SMC4: variants seen among roughly 807,000 people sequenced by gnomAD.
SMC4 encodes the protein structural maintenance of chromosomes protein 4.
A neutral mutation model predicts 145.6 loss-of-function variants in SMC4; 87 were observed. That is an observed-to-expected ratio of 0.60 (90% CI 0.50 to 0.71). The LOEUF is 0.71. Among genes scored for constraint, SMC4 ranks in the 30% least tolerant of loss-of-function variants. The probability of loss-of-function intolerance (pLI) is 0.00; values close to 1 mark genes in which losing one functional copy is unlikely to be tolerated. For missense variants in SMC4, 1,447 were observed against 1,537.1 expected (o/e 0.94, Z 0.98); for synonymous variants, 558 against 500.7 (o/e 1.11, Z -1.53).
At chr3:160,431,574 T>A (rs1045438313) in intron 20 of SMC4, 69 bp from the exon 21 acceptor site, 9 of 1,191,940 alleles carry the variant, frequency 7.6e-6, no homozygotes, top group Admixed American at 2.6e-5. Flanking sequence ...TTTGTCATAT[T>A]TTTTTTTAAA....
chr3:160,425,022 A>ATGTGTG lies in SMC4; in HGVS notation c.2478+29_2478+34dup, dbSNP rs66870368. ...AAAAATTTACTGCAAGCATCCAGGTATGTGTGTGTGTGTGTGTGTGTGTGT... is the reference window on the plus strand; with the variant it reads ...AAAAATTTACTGCAAGCATCCAGGTATGTGTGTGTGTGTGTGTGTGTGTGTGTGTGT... On this transcript the variant is annotated splice_donor_region_variant and intron_variant, in intron 16 of 23. Coordinates refer to ENST00000357388, the MANE Select transcript of SMC4 (RefSeq NM_001002800.3). The ATGTGTG allele has an allele frequency of 0.011, 16,710 of 1,463,432 alleles. 208 individuals carry two copies. Among genetic ancestry groups the ATGTGTG allele is most frequent in the African/African-American group, 0.046 (3,122 of 68,342 alleles). The allele number at this position is 1,463,432 out of a possible 1,614,324, so 90.7% of individuals were successfully genotyped here. A position where few individuals can be genotyped will look rare whatever the true frequency, so the allele number is the denominator to read the frequency against.
chr3:160,431,155 G>C lies in SMC4; in HGVS notation c.3064G>C (p.Asp1022His), dbSNP rs751853292. The C allele has an allele frequency of 5.6e-6, 9 of 1,603,618 alleles. No individual in the cohort carries two copies. Among genetic ancestry groups the C allele is most frequent in the Non-Finnish European group, 7.6e-6 (9 of 1,177,074 alleles). Residue 1022 changes from aspartate (D) to histidine (H), a missense_variant, in exon 20 of 24, where the codon GAT becomes CAT. Coordinates refer to ENST00000357388, the MANE Select transcript of SMC4 (RefSeq NM_001002800.3). Reference sequence around the variant, plus strand: ...TATTAAGTTGAAACTTGAACAAATAGATGGTCACATTGCTGAACATAATTC... The same window carrying C: ...TATTAAGTTGAAACTTGAACAAATACATGGTCACATTGCTGAACATAATTC... ...LSIKLKLEQI[D>H]GHIAEHNSKI...
intron 17 of SMC4, among the ~76,000 whole-genome samples, chr3:160,427,941 G>A (rs1560012332): frequency 6.7e-6 from 1 of 149,816 alleles, no homozygotes; most frequent in Non-Finnish European, 1.5e-5. Context: ...ACACACGCAC[G>A]CACACACACA....
chr3:160,416,496 A>G (rs1576964369), intron 10 of SMC4, 81 bp downstream of exon 10: 2 of 880,782 alleles, frequency 2.3e-6, no homozygotes, highest in African/African-American at 3.4e-5. Context: ...AAAAATACTG[A>G]AACCTGAACT....
At position 160,423,862 on chromosome 3, in the gene SMC4, T is replaced by C. The variant is rs200721987; in HGVS notation, c.2325+22T>C. On this transcript the variant is annotated intron_variant, in intron 15 of 23. Transcript: ENST00000357388. ...AGAGGTCAGCATATCTAAAATTGTA[T>C]CCAGACTTTTTTTTTTTTTTAAATA... 473 of 1,567,396 alleles carry C rather than the reference T, an allele frequency of 3.0e-4. 1 individual carries two copies. The African/African-American group carries it at 6.1e-3, about 20-fold the overall frequency.
At chr3:160,433,510 C>CA in intron 23 of SMC4, 147 bp from the exon 24 acceptor site, 1 of 586,208 alleles carries the variant, frequency 1.7e-6, no homozygotes, top group South Asian at 2.6e-5. Flanking sequence ...CTTTCACACT[C>CA]AAATACTGTT....
Position 160,417,792 on chromosome 3 carries a change from C to G in SMC4, c.1507C>G (p.Gln503Glu), listed in dbSNP as rs761748630. The change falls in exon 11 of 24, where the codon CAG becomes GAG. Residue 503 changes from glutamine (Q) to glutamate (E), a missense_variant. Gln to Glu is a conservative substitution (Grantham distance 29). Coordinates refer to ENST00000357388, the MANE Select transcript of SMC4 (RefSeq NM_001002800.3). ...AGCACGTTCAAAGATGGATGTAGCC[C>G]AGTCAGAACTTGATATCTATCTCAG... ...NEARSKMDVA[Q>E]SELDIYLSRH... The G allele has an allele frequency of 6.2e-7, 1 of 1,613,562 alleles. No homozygotes were observed. Among genetic ancestry groups the G allele is most frequent in the Non-Finnish European group, 8.5e-7 (1 of 1,179,790 alleles).
intron 9 of SMC4, among the ~76,000 whole-genome samples, chr3:160,415,256 T>A (rs1189626572): frequency 6.6e-6 from 1 of 152,216 alleles, no homozygotes; most frequent in African/African-American, 2.4e-5. Flanking sequence ...CTAAAAGTCC[T>A]AGCTAGTCAG....
At chr3:160,420,706 C>T (rs766243942) in intron 12 of SMC4, 34 bp from the exon 13 acceptor site, 146 of 1,600,894 alleles carry the variant, frequency 9.1e-5, no homozygotes, top group Non-Finnish European at 1.2e-4. Flanking sequence ...GCTTTTCTGC[C>T]TAACTCTTTT....
intron 17 of SMC4, among the ~76,000 whole-genome samples, chr3:160,426,912 G>A (rs1717853840): frequency 6.6e-6 from 1 of 152,118 alleles, no homozygotes; most frequent in Non-Finnish European, 1.5e-5. Context: ...TTATTCTTAA[G>A]ACAGATCCCT....
intron 20 of SMC4, among the ~76,000 whole-genome samples, 186 bp downstream of exon 20, chr3:160,431,391 A>G (rs1718389372): frequency 6.6e-6 from 1 of 152,152 alleles, no homozygotes; most frequent in African/African-American, 2.4e-5. Context: ...ATATACAGAA[A>G]AGTCTGAGTA....
chr3:160,419,640 T>C, intron 12 of SMC4, 97 bp downstream of exon 12: 1 of 1,081,002 alleles, frequency 9.3e-7, no homozygotes, highest in Non-Finnish European at 1.3e-6. Context: ...AGTGTCACTG[T>C]ATATAAAATA....
intron 17 of SMC4, 31 bp downstream of exon 17, chr3:160,426,231 GAA>G (rs373580297): frequency 4.0e-6 from 5 of 1,238,248 alleles, no homozygotes; most frequent in East Asian, 5.6e-5. Context: ...TTTTTGGGGG[GAA>G]AAAAAAAACA....
intron 5 of SMC4, chr3:160,404,830 A>G (rs761268125): frequency 2.0e-6 from 1 of 512,202 alleles, no homozygotes; most frequent in Admixed American, 2.3e-5. Flanking sequence ...TGTGACAGGG[A>G]TACAGCAACT....
intron 5 of SMC4, chr3:160,404,936 A>G (rs1715154250): frequency 8.9e-6 from 3 of 336,514 alleles, no homozygotes; most frequent in South Asian, 7.6e-5. Flanking sequence ...TGTTCTTATT[A>G]TCTCTTCTGA....
chr3:160,418,483 T>C (rs1716818783), intron 11 of SMC4, among the ~76,000 whole-genome samples: 1 of 152,100 alleles, frequency 6.6e-6, no homozygotes, highest in Admixed American at 6.6e-5. Flanking sequence ...AAAACCTCAG[T>C]AGGCAAGGTG....
rs1714230880 is a variant in SMC4, at chr3:160,399,657, A to G, written c.-98A>G. The G allele has an allele frequency of 6.6e-6, 1 of 152,606 alleles. No individual in the cohort carries two copies. Among genetic ancestry groups the G allele is most frequent in the Admixed American group, 6.5e-5 (1 of 15,286 alleles). 9.5% of individuals were successfully genotyped at this position (152,606 alleles called of 1,614,324 possible). ...GTTTGTATTTTAGGCGCCATTTTCG[A>G]GTGAAGGACCCGGAGCCGAAACACC... On this transcript the variant is annotated 5_prime_UTR_variant, in exon 1 of 24. Coordinates refer to ENST00000357388, the MANE Select transcript of SMC4 (RefSeq NM_001002800.3).
At position 160,401,914 on chromosome 3, in the gene SMC4, G is replaced by C. The variant is rs369929353; in HGVS notation, c.140-1G>C. On this transcript the variant is annotated splice_acceptor_variant, in intron 2 of 23. Transcript: ENST00000357388. LOFTEE classifies it high-confidence loss of function. Reference sequence around the variant, plus strand: ...GTTTTCCTTTCCTTTCACTGACTTAGAGACTGCAAGTGAGGAACTTGATAA... The same window carrying C: ...GTTTTCCTTTCCTTTCACTGACTTACAGACTGCAAGTGAGGAACTTGATAA... 2.5e-6 allele frequency: 4 copies of C among 1,594,720 alleles called. No individual in the cohort carries two copies. The highest frequency in any genetic ancestry group is 4.6e-5 in the East Asian group (2 of 43,422).
At chr3:160,412,890 C>T (rs962132887) in intron 7 of SMC4, 3 of 801,628 alleles carry the variant, frequency 3.7e-6, no homozygotes, top group South Asian at 5.5e-5. Flanking sequence ...AGTCCTTTTA[C>T]GTGTGCACTT....
Sources: allele counts gnomAD v4.1 joint callset (sites outside exome capture counted in the v4.1 genomes callset), GRCh38; gene constraint gnomAD v4.1.1; transcripts MANE v1.5; gene names NCBI Gene and HGNC (gene_info 2026-07-23, HGNC 2026-07-21).